Variants in NCKAP5 observed in about 807,000 individuals in gnomAD.
NCKAP5 encodes the protein nck-associated protein 5.
A neutral mutation model predicts 167.0 loss-of-function variants in NCKAP5; 92 were observed. That is an observed-to-expected ratio of 0.55 (90% confidence interval 0.47 to 0.66). The LOEUF is 0.66. Among genes scored for constraint, NCKAP5 ranks in the 30% least tolerant of loss-of-function variants. The pLI is 0.00. For synonymous variants in NCKAP5, 891 were observed against 877.4 expected, an observed-to-expected ratio of 1.02 and a Z score of -0.27; for missense variants, 2,378 against 2,315.0, an observed-to-expected ratio of 1.03 and a Z score of -0.56.
At chr2:133,354,187 A>G (rs1684549977) in intron 3 of NCKAP5, among the ~76,000 whole-genome samples, 1 of 151,870 alleles carries the variant, frequency 6.6e-6, no homozygotes, top group Admixed American at 6.6e-5. Context: ...TATGCATTAT[A>G]TAATACTTAA....
intron 4 of NCKAP5, among the ~76,000 whole-genome samples, chr2:133,249,998 T>TTTTTTA (rs143273928): frequency 2.2e-5 from 3 of 138,226 alleles, no homozygotes; most frequent in African/African-American, 5.4e-5. Flanking sequence ...CACCAAGGGT[T>TTTTTTA]TTATTATTAT....
the NCKAP5 span, among the ~76,000 whole-genome samples, chr2:133,578,209 A>G: frequency 6.6e-6 from 1 of 152,280 alleles, no homozygotes; most frequent in Middle Eastern, 3.4e-3. Flanking sequence ...TATGGTAACA[A>G]ACCTCTGCTC....
intron 4 of NCKAP5, among the ~76,000 whole-genome samples, chr2:133,272,180 T>C (rs943553013): frequency 2.6e-5 from 4 of 151,206 alleles, no homozygotes; most frequent in Non-Finnish European, 5.9e-5. Flanking sequence ...AGTGGACATG[T>C]AGAAATGAAG....
intron 6 of NCKAP5, among the ~76,000 whole-genome samples, chr2:133,061,071 A>C (rs530472789): frequency 3.2e-5 from 4 of 126,200 alleles, no homozygotes; most frequent in South Asian, 6.5e-4. Flanking sequence ...ATATTAAAAA[A>C]AAAACAAAAC....
chr2:132,817,260 T>G (rs2105299038), intron 11 of NCKAP5, among the ~76,000 whole-genome samples: 1 of 152,296 alleles, frequency 6.6e-6, no homozygotes, highest in Non-Finnish European at 1.5e-5. Flanking sequence ...ACCATCTCAT[T>G]ATTGACATTT....
Position 133,379,667 on chromosome 2 carries a change from A to G in NCKAP5, c.70-76557T>C, listed in dbSNP as rs78584710. Reference sequence around the variant, plus strand: ...AGTTCCTGGTACAGACAGGTGCTCAATGCCTGACACATAGTAGGTTTTCAG... The same window carrying G: ...AGTTCCTGGTACAGACAGGTGCTCAGTGCCTGACACATAGTAGGTTTTCAG... On this transcript the variant is annotated intron_variant, in intron 3 of 19. Coordinates refer to ENST00000409261, the MANE Select transcript of NCKAP5 (RefSeq NM_207363.3). 9.6e-3 allele frequency among the ~76,000 whole-genome samples: 1,458 copies of G among 152,272 alleles called. 32 individuals are homozygous for G. The highest frequency in any genetic ancestry group is 0.034 in the African/African-American group (1,395 of 41,558).
intron 3 of NCKAP5, among the ~76,000 whole-genome samples, chr2:133,460,284 T>C (rs1692124252): frequency 6.6e-6 from 1 of 152,334 alleles, no homozygotes; most frequent in Non-Finnish European, 1.5e-5. Context: ...CTGAAATTCA[T>C]CCATTAATGA....
At position 133,123,692 on chromosome 2, in the gene NCKAP5, G is replaced by A. The variant is rs78531495; in HGVS notation, c.341+6286C>T. The A allele has an allele frequency of 1.0e-3, 450 of 450,986 alleles. 4 individuals carry two copies. Among genetic ancestry groups the A allele is most frequent in the African/African-American group, 4.2e-3 (211 of 49,924 alleles). 27.9% of individuals were successfully genotyped at this position (450,986 alleles called of 1,614,324 possible). A position where few individuals can be genotyped will look rare whatever the true frequency, so the allele number is the denominator to read the frequency against. Reference sequence around the variant, plus strand: ...GCCTCTGAGACAGGTCAAAGTTGACGAACAGTCAGACATGGGAACAAGTGC... The same window carrying A: ...GCCTCTGAGACAGGTCAAAGTTGACAAACAGTCAGACATGGGAACAAGTGC... On this transcript the variant is annotated intron_variant, in intron 6 of 19. Coordinates refer to ENST00000409261, the MANE Select transcript of NCKAP5 (RefSeq NM_207363.3).
chr2:132,690,966 G>A (rs1686657916), intron 19 of NCKAP5, among the ~76,000 whole-genome samples: 1 of 152,232 alleles, frequency 6.6e-6, no homozygotes, highest in East Asian at 1.9e-4. Flanking sequence ...AAAGAGGGTG[G>A]TGACTTCCTG....
At chr2:133,435,314 C>T (rs182547768) in intron 3 of NCKAP5, among the ~76,000 whole-genome samples, 55 of 152,242 alleles carry the variant, frequency 3.6e-4, no homozygotes, top group African/African-American at 8.2e-4. Flanking sequence ...AAATCCCAGA[C>T]GAGTTTAATT....
rs73956094 is a variant in NCKAP5, at chr2:133,006,891, G to A, written c.342-12652C>T. ...ATCCACAGTACTGGCCCATCTAGCCGTATGGATGCCAACAGCACATTCTTC... is the reference window on the plus strand; with the variant it reads ...ATCCACAGTACTGGCCCATCTAGCCATATGGATGCCAACAGCACATTCTTC... On this transcript the variant is annotated intron_variant, in intron 6 of 19. Coordinates refer to ENST00000409261, the MANE Select transcript of NCKAP5 (RefSeq NM_207363.3). Among the ~76,000 whole-genome samples the A allele has an allele frequency of 9.8e-3, 1,488 of 152,294 alleles. 18 individuals carry two copies. Among genetic ancestry groups the A allele is most frequent in the African/African-American group, 0.033 (1,366 of 41,548 alleles).
At chr2:133,502,982 C>T (rs976401082) in intron 3 of NCKAP5, among the ~76,000 whole-genome samples, 1 of 152,134 alleles carries the variant, frequency 6.6e-6, no homozygotes, top group African/African-American at 2.4e-5. Context: ...TAGGTCACAT[C>T]CAGTTGGGTG....
At chr2:133,651,219 A>G in the NCKAP5 span, among the ~76,000 whole-genome samples, 2 of 152,224 alleles carry the variant, frequency 1.3e-5, no homozygotes, top group Non-Finnish European at 2.9e-5. Context: ...TAACCTGTAT[A>G]ATGTAAGAAA....
chr2:132,989,332 T>A (rs182633067), intron 7 of NCKAP5, among the ~76,000 whole-genome samples: 1 of 152,336 alleles, frequency 6.6e-6, no homozygotes, highest in Admixed American at 6.5e-5. Flanking sequence ...AGTTCCCTAA[T>A]TTACTTAATT....
chr2:133,066,109 A>C (rs1559104900), intron 6 of NCKAP5, among the ~76,000 whole-genome samples: 1 of 152,230 alleles, frequency 6.6e-6, no homozygotes. Flanking sequence ...AGATAATTAC[A>C]ACTGAAGGAA....
chr2:133,231,399 C>A (rs2087141075), intron 4 of NCKAP5, among the ~76,000 whole-genome samples: 1 of 152,096 alleles, frequency 6.6e-6, no homozygotes, highest in African/African-American at 2.4e-5. Context: ...GGGTTTTAAT[C>A]TGGCCCATTC....
intron 8 of NCKAP5, among the ~76,000 whole-genome samples, chr2:132,893,947 G>T (rs1426419281): frequency 6.6e-6 from 1 of 152,190 alleles, no homozygotes; most frequent in Non-Finnish European, 1.5e-5. Context: ...GAGAGGGCCT[G>T]AAGGAAAATT....
intron 5 of NCKAP5, among the ~76,000 whole-genome samples, chr2:133,179,203 G>T (rs542526643): frequency 2.5e-4 from 37 of 150,832 alleles, no homozygotes; most frequent in Non-Finnish European, 4.0e-4. Flanking sequence ...TTATTTAAAA[G>T]GCTTGGAACC....
chr2:133,145,869 A>T (rs2083174617), intron 5 of NCKAP5, among the ~76,000 whole-genome samples: 1 of 152,110 alleles, frequency 6.6e-6, no homozygotes, highest in Non-Finnish European at 1.5e-5. Flanking sequence ...ATTAAAAAAG[A>T]TTGCATCGAC....
Sources: gnomAD v4.1 joint callset for allele counts (sites outside exome capture counted in the v4.1 genomes callset) on GRCh38, gnomAD v4.1.1 for gene constraint, MANE v1.5 for transcripts, NCBI Gene and HGNC (gene_info 2026-07-23, HGNC 2026-07-21) for gene names.